Variants in RBPJ observed in about 807,000 individuals in gnomAD.
The protein encoded by RBPJ is recombining binding protein suppressor of hairless.
RBPJ carries 9 observed loss-of-function variants against 67.8 expected under a neutral mutation model. The ratio of observed to expected loss-of-function variants is 0.13; its 90% CI spans 0.08 to 0.23. The LOEUF (loss-of-function observed/expected upper bound fraction) is 0.23. Among genes scored for constraint, RBPJ ranks in the 10% least tolerant of loss-of-function variants. RBPJ has a pLI of 1.00. For missense variants in RBPJ, 305 were observed against 595.6 expected (o/e 0.51, Z 5.08); for synonymous variants, 198 against 203.3 (o/e 0.97, Z 0.22).
chr4:26,405,490 A>G (rs1463831150), intron 2 of RBPJ, among the ~76,000 whole-genome samples: 11 of 152,228 alleles, frequency 7.2e-5, no homozygotes, highest in Non-Finnish European at 1.3e-4. Context: ...TGAACTTTGT[A>G]TAGACCATTT....
the RBPJ span, among the ~76,000 whole-genome samples, chr4:26,139,708 G>C: frequency 6.6e-6 from 1 of 152,000 alleles, no homozygotes; most frequent in Non-Finnish European, 1.5e-5. Flanking sequence ...TCTGTTTTCT[G>C]TTCCTCTCAG....
intron 3 of RBPJ, among the ~76,000 whole-genome samples, chr4:26,411,699 C>T (rs1212260667): frequency 6.6e-6 from 1 of 151,874 alleles, no homozygotes; most frequent in Admixed American, 6.6e-5. Context: ...AATTTTTTAT[C>T]AACCTGATTT....
chr4:26,126,394 G>C, the RBPJ span, among the ~76,000 whole-genome samples: 1 of 152,162 alleles, frequency 6.6e-6, no homozygotes, highest in African/African-American at 2.4e-5. Flanking sequence ...GAGGTGGGTA[G>C]CCTGTCTCCC....
chr4:26,325,104 C>T (rs904541276), intron 1 of RBPJ, among the ~76,000 whole-genome samples: 2 of 152,152 alleles, frequency 1.3e-5, no homozygotes, highest in African/African-American at 4.8e-5. Context: ...TACCATATTC[C>T]GTTTGGTTCC....
At chr4:26,172,749 A>G (rs1577434201) in intron 1 of RBPJ, among the ~76,000 whole-genome samples, 1 of 152,224 alleles carries the variant, frequency 6.6e-6, no homozygotes, top group Non-Finnish European at 1.5e-5. Flanking sequence ...TTATAAAAGC[A>G]CTAGCTCTCT....
the RBPJ span, among the ~76,000 whole-genome samples, chr4:26,136,809 C>A: frequency 6.6e-6 from 1 of 152,124 alleles, no homozygotes; most frequent in Non-Finnish European, 1.5e-5. Context: ...CCTTATTTAT[C>A]TTTTCCCCAA....
At chr4:26,289,154 T>C (rs1185594452) in intron 1 of RBPJ, among the ~76,000 whole-genome samples, 1 of 150,366 alleles carries the variant, frequency 6.7e-6, no homozygotes, top group Admixed American at 6.6e-5. Flanking sequence ...CCCAGCACTT[T>C]GGGAGGCCGA....
chr4:26,284,509 C>T (rs547137991), intron 1 of RBPJ, among the ~76,000 whole-genome samples: 8 of 152,326 alleles, frequency 5.3e-5, no homozygotes, highest in East Asian at 1.9e-4. Flanking sequence ...CGCTCTGTCA[C>T]TAAGGCTGGA....
chr4:26,217,321 G>A (rs1718753756), intron 1 of RBPJ, among the ~76,000 whole-genome samples: 1 of 152,176 alleles, frequency 6.6e-6, no homozygotes, highest in Admixed American at 6.6e-5. Context: ...GATGGGTGCT[G>A]AACTCACCCT....
intron 3 of RBPJ, among the ~76,000 whole-genome samples, chr4:26,414,518 T>C (rs1734364529): frequency 1.3e-5 from 2 of 152,162 alleles, no homozygotes; most frequent in South Asian, 2.1e-4. Flanking sequence ...ATATTACTTA[T>C]GTGGCTACTA....
intron 1 of RBPJ, among the ~76,000 whole-genome samples, chr4:26,364,436 T>C (rs1022765398): frequency 6.6e-6 from 1 of 152,178 alleles, no homozygotes; most frequent in Non-Finnish European, 1.5e-5. Flanking sequence ...TTCAGGATAG[T>C]GTTCAATGTG....
intron 1 of RBPJ, among the ~76,000 whole-genome samples, chr4:26,184,484 A>C (rs1245359384): frequency 6.6e-6 from 1 of 152,162 alleles, no homozygotes; most frequent in Admixed American, 6.5e-5. Flanking sequence ...ATAAGCTATC[A>C]CGGAGGGTGG....
chr4:26,342,990 A>G (rs1577479496), intron 1 of RBPJ: 1 of 152,328 alleles, frequency 6.6e-6, no homozygotes, highest in Middle Eastern at 3.4e-3. Flanking sequence ...TATAAATGTC[A>G]TTTTAAAGTC....
At chr4:26,170,439 G>T (rs1716528202) in intron 1 of RBPJ, among the ~76,000 whole-genome samples, 1 of 151,956 alleles carries the variant, frequency 6.6e-6, no homozygotes, top group Non-Finnish European at 1.5e-5. Context: ...TACTTGGGAG[G>T]CTGGGGTGGA....
At position 26,424,542 on chromosome 4, in the gene RBPJ, T is replaced by C; in HGVS notation, c.634+63T>C. 6.4e-7 allele frequency: 1 copy of C among 1,565,628 alleles called. No individual in the cohort carries two copies. Among genetic ancestry groups the C allele is most frequent in the South Asian group, 1.1e-5 (1 of 88,570 alleles). On this transcript the variant is annotated intron_variant, in intron 6 of 10. Coordinates refer to ENST00000355476, the MANE Select transcript of RBPJ (RefSeq NM_015874.6). The surrounding 1 kb of genome is among the most constrained non-coding windows in gnomAD (Gnocchi z 5.3). ...AAATTGTTAAAATCTTTTGATGAGA[T>C]ACATGGATATATTAAGTTTTGTCAT...
chr4:26,109,485 T>C, the RBPJ span, among the ~76,000 whole-genome samples: 2 of 61,994 alleles, frequency 3.2e-5, no homozygotes, highest in African/African-American at 6.9e-5. Context: ...TATATATATA[T>C]ATATATACAC....
intron 3 of RBPJ, among the ~76,000 whole-genome samples, chr4:26,412,636 A>G (rs1045086889): frequency 1.1e-4 from 16 of 152,204 alleles, no homozygotes; most frequent in Non-Finnish European, 2.2e-4. Flanking sequence ...AGCATTTTAG[A>G]TAAGGAATAC....
chr4:26,421,417 C>A (rs777485857), intron 5 of RBPJ, among the ~76,000 whole-genome samples: 2 of 152,064 alleles, frequency 1.3e-5, no homozygotes, highest in Non-Finnish European at 2.9e-5. Context: ...ATCCTCCCTG[C>A]CTCAGCCTCC....
At chr4:26,363,216 T>C (rs1222890443) in intron 1 of RBPJ, among the ~76,000 whole-genome samples, 1 of 152,164 alleles carries the variant, frequency 6.6e-6, no homozygotes, top group Non-Finnish European at 1.5e-5. Flanking sequence ...CTCGGCTCAG[T>C]GCAACCTCCA....
Sources: allele counts gnomAD v4.1 joint callset (sites outside exome capture counted in the v4.1 genomes callset), GRCh38; gene constraint gnomAD v4.1.1; non-coding constraint Gnocchi (gnomAD v3.1); transcripts MANE v1.5; gene names NCBI Gene and HGNC (gene_info 2026-07-23, HGNC 2026-07-21).